PTPRD: variants seen among roughly 807,000 people sequenced by gnomAD.
PTPRD encodes the protein protein tyrosine phosphatase receptor type D.
A neutral mutation model predicts 214.5 loss-of-function variants in PTPRD; 34 were observed. The observed-to-expected ratio is 0.16, with a 90% CI of 0.12 to 0.21. The LOEUF is 0.21. Among genes scored for constraint, PTPRD ranks in the 10% least tolerant of loss-of-function variants. The pLI is 1.00. For missense variants in PTPRD, 2,545 were observed against 2,398.7 expected, an observed-to-expected ratio of 1.06 and a Z score of -1.27; for synonymous variants, 1,128 against 845.7, an observed-to-expected ratio of 1.33 and a Z score of -5.79.
intron 8 of PTPRD, among the ~76,000 whole-genome samples, chr9:9,411,186 G>C (rs1264001973): frequency 2.0e-5 from 3 of 150,380 alleles, no homozygotes; most frequent in Non-Finnish European, 3.0e-5. Context: ...CATAGTTTGT[G>C]TTCCTATTCA....
chr9:9,870,588 G>T (rs2065161429), intron 5 of PTPRD, among the ~76,000 whole-genome samples: 1 of 151,862 alleles, frequency 6.6e-6, no homozygotes, highest in African/African-American at 2.4e-5. Flanking sequence ...ATTTCTATAA[G>T]AATTACTTAT....
At chr9:9,219,956 A>T (rs2133299525) in intron 9 of PTPRD, among the ~76,000 whole-genome samples, 1 of 152,274 alleles carries the variant, frequency 6.6e-6, no homozygotes, top group African/African-American at 2.4e-5. Context: ...TTTTTCATCC[A>T]TTTGATACGG....
intron 9 of PTPRD, among the ~76,000 whole-genome samples, chr9:9,278,602 G>C (rs547203536): frequency 1.1e-3 from 170 of 151,418 alleles, no homozygotes; most frequent in Non-Finnish European, 2.1e-3. Flanking sequence ...ACTCTGAGTA[G>C]AGAGGTGATA....
chr9:10,277,202 T>TAAACATAAACATA (rs1176768837), intron 3 of PTPRD, among the ~76,000 whole-genome samples: 12 of 150,966 alleles, frequency 7.9e-5, no homozygotes, highest in Non-Finnish European at 1.6e-4. Context: ...ACATAAAACA[T>TAAACATAAACATA]AAACATAAAC....
At chr9:8,529,205 G>A (rs1321795350) in intron 14 of PTPRD, among the ~76,000 whole-genome samples, 1 of 152,090 alleles carries the variant, frequency 6.6e-6, no homozygotes, top group African/African-American at 2.4e-5. Context: ...AGGCATTGAG[G>A]TAGGAAAGGT....
intron 2 of PTPRD, among the ~76,000 whole-genome samples, chr9:10,369,277 C>G (rs948689453): frequency 6.6e-6 from 1 of 152,004 alleles, no homozygotes; most frequent in Non-Finnish European, 1.5e-5. Flanking sequence ...TGCCATTATC[C>G]TTTATTTTCT....
In PTPRD at chr9:8,876,142, T is replaced by C. The variant is rs976944183; in HGVS notation, c.-103-142196A>G. Reference sequence around the variant, plus strand: ...ATAATAGAGCATAGAATTGGCCTGATTTTGTGTTTCCACCAGTTTTGTTCT... The same window carrying C: ...ATAATAGAGCATAGAATTGGCCTGACTTTGTGTTTCCACCAGTTTTGTTCT... On this transcript the variant is annotated intron_variant, in intron 11 of 45. Transcript: ENST00000381196. 3.3e-5 allele frequency among the ~76,000 whole-genome samples: 5 copies of C among 152,322 alleles called. No individual in the cohort carries two copies. In the South Asian group the frequency reaches 1.0e-3, roughly 32 times the overall value.
chr9:8,345,408 G>A (rs1856635435), intron 39 of PTPRD, among the ~76,000 whole-genome samples: 1 of 151,998 alleles, frequency 6.6e-6, no homozygotes, highest in Non-Finnish European at 1.5e-5. Flanking sequence ...CACCATTTAG[G>A]TCAGCAGTCA....
intron 9 of PTPRD, among the ~76,000 whole-genome samples, chr9:9,330,287 T>C (rs181089199): frequency 3.4e-4 from 51 of 152,186 alleles, no homozygotes; most frequent in African/African-American, 1.2e-3. Context: ...CTCAAATGAC[T>C]TTCCTTTAAA....
At chr9:9,113,095 G>C (rs1012529428) in intron 10 of PTPRD, among the ~76,000 whole-genome samples, 1 of 151,560 alleles carries the variant, frequency 6.6e-6, no homozygotes, top group South Asian at 2.1e-4. Flanking sequence ...CTCCCAAGTG[G>C]CTAGAACTAT....
intron 5 of PTPRD, among the ~76,000 whole-genome samples, chr9:9,804,429 T>C (rs1312417206): frequency 6.6e-6 from 1 of 152,116 alleles, no homozygotes; most frequent in East Asian, 1.9e-4. Flanking sequence ...TCTACTAAAA[T>C]TGTGAATTTA....
At chr9:10,439,200 C>T (rs2098742532) in intron 2 of PTPRD, among the ~76,000 whole-genome samples, 1 of 151,336 alleles carries the variant, frequency 6.6e-6, no homozygotes. Flanking sequence ...TTCGTTCAGA[C>T]TCCGGCATGT....
intron 10 of PTPRD, among the ~76,000 whole-genome samples, chr9:9,029,718 G>T (rs1408456288): frequency 6.6e-6 from 1 of 151,850 alleles, no homozygotes; most frequent in Non-Finnish European, 1.5e-5. Context: ...CGGTAGTGGT[G>T]GAGAGCTGAG....
chr9:9,895,079 G>A (rs921914370), intron 5 of PTPRD, among the ~76,000 whole-genome samples: 6 of 151,966 alleles, frequency 3.9e-5, no homozygotes, highest in Non-Finnish European at 8.8e-5. Context: ...TCTTCCAGAT[G>A]AGGGATATGA....
At chr9:9,878,399 T>C (rs1417250251) in intron 5 of PTPRD, among the ~76,000 whole-genome samples, 3 of 152,116 alleles carry the variant, frequency 2.0e-5, no homozygotes, top group East Asian at 3.9e-4. Context: ...GGGAGAATTA[T>C]AGGGACAGCA....
intron 37 of PTPRD, among the ~76,000 whole-genome samples, chr9:8,383,003 G>C (rs187535966): frequency 1.3e-5 from 2 of 152,286 alleles, no homozygotes; most frequent in Admixed American, 1.3e-4. Flanking sequence ...GAATTAGTCT[G>C]CCACTGGCCA....
intron 7 of PTPRD, among the ~76,000 whole-genome samples, chr9:9,596,889 A>G (rs2093393152): frequency 6.6e-6 from 1 of 152,110 alleles, no homozygotes; most frequent in African/African-American, 2.4e-5. Flanking sequence ...AGATCACACA[A>G]ATCAGTATAC....
chr9:9,067,252 C>A (rs573403026), intron 10 of PTPRD, among the ~76,000 whole-genome samples: 1 of 152,174 alleles, frequency 6.6e-6, no homozygotes. Context: ...GACAAACAAA[C>A]AAACAAAAAA....
chr9:10,258,534 T>C (rs1390619839), intron 3 of PTPRD, among the ~76,000 whole-genome samples: 1 of 152,236 alleles, frequency 6.6e-6, no homozygotes, highest in Non-Finnish European at 1.5e-5. Context: ...ACATGTACAC[T>C]TTCATTTAGC....
Sources: allele counts gnomAD v4.1 joint callset (sites outside exome capture counted in the v4.1 genomes callset), GRCh38; gene constraint gnomAD v4.1.1; transcripts MANE v1.5; gene names NCBI Gene and HGNC (gene_info 2026-07-23, HGNC 2026-07-21).